The following GSG1L variants were observed in gnomAD, a reference collection of about 807,000 sequenced individuals.
GSG1L encodes the protein GSG1 like, also known as germ cell-specific gene 1-like protein.
In GSG1L, 24 loss-of-function variants were observed where a neutral mutation model predicts 42.1. The ratio of observed to expected loss-of-function variants is 0.57; its 90% CI spans 0.41 to 0.80. The LOEUF is 0.80. Among genes scored for constraint, GSG1L ranks in the 30% least tolerant of loss-of-function variants. The pLI is 0.00. For synonymous variants in GSG1L, 215 were observed against 203.5 expected (o/e 1.06, Z -0.48); for missense variants, 445 against 472.2 (o/e 0.94, Z 0.53).
chr16:27,803,793 A>ATATATATATATATATATATAAT (rs1567460435), intron 6 of GSG1L, among the ~76,000 whole-genome samples: 25 of 56,044 alleles, frequency 4.5e-4, no homozygotes, highest in African/African-American at 1.9e-3. Flanking sequence ...ATATATATAT[A>ATATATATATATATATATATAAT]TAGATAGATA....
At chr16:27,930,431 C>G (rs544970242) in intron 2 of GSG1L, among the ~76,000 whole-genome samples, 1 of 152,350 alleles carries the variant, frequency 6.6e-6, no homozygotes, top group East Asian at 1.9e-4. Context: ...ACACGCTCCA[C>G]AGGTCACACA....
chr16:28,038,039 A>G (rs778599242), intron 1 of GSG1L, among the ~76,000 whole-genome samples: 3 of 152,198 alleles, frequency 2.0e-5, no homozygotes, highest in Non-Finnish European at 4.4e-5. Context: ...CGTAGGTACA[A>G]TTATTATCCC....
At chr16:27,983,927 G>A (rs9940029) in intron 1 of GSG1L, among the ~76,000 whole-genome samples, 2,899 of 152,214 alleles carry the variant, frequency 0.019, 83 homozygotes, top group African/African-American at 0.066. Flanking sequence ...GACTCCCGCA[G>A]CAAGGTCTTT....
chr16:28,021,253 CAG>C (rs2085839582), intron 1 of GSG1L, among the ~76,000 whole-genome samples: 1 of 152,106 alleles, frequency 6.6e-6, no homozygotes, highest in Non-Finnish European at 1.5e-5. Flanking sequence ...TGCAAGTACA[CAG>C]ACTTATCAGG....
At chr16:27,829,556 T>C (rs2083253473) in intron 4 of GSG1L, among the ~76,000 whole-genome samples, 1 of 152,222 alleles carries the variant, frequency 6.6e-6, no homozygotes, top group Admixed American at 6.5e-5. Flanking sequence ...CTCATGACTA[T>C]TTGTTTTAAA....
intron 2 of GSG1L, among the ~76,000 whole-genome samples, chr16:27,930,456 G>A (rs564662585): frequency 3.3e-5 from 5 of 152,336 alleles, no homozygotes; most frequent in Non-Finnish European, 7.3e-5. Flanking sequence ...TTTGTGGTCT[G>A]ATTCCTCCCA....
chr16:27,865,821 C>G (rs552412551), intron 3 of GSG1L, among the ~76,000 whole-genome samples: 1 of 151,834 alleles, frequency 6.6e-6, no homozygotes, highest in Admixed American at 6.6e-5. Flanking sequence ...CCTCAGCCTC[C>G]TGAGCAGCTA....
chr16:28,012,863 C>T (rs1193710143), intron 1 of GSG1L, among the ~76,000 whole-genome samples: 2 of 149,222 alleles, frequency 1.3e-5, no homozygotes, highest in Non-Finnish European at 3.0e-5. Flanking sequence ...TGCCACTGTA[C>T]TCCAGCCTGG....
At chr16:27,987,559 G>A (rs965345677) in intron 1 of GSG1L, among the ~76,000 whole-genome samples, 1 of 152,152 alleles carries the variant, frequency 6.6e-6, no homozygotes, top group Non-Finnish European at 1.5e-5. Context: ...TAGTTGGTGT[G>A]TTAACTCGGG....
chr16:28,004,510 T>C (rs1461067630), intron 1 of GSG1L, among the ~76,000 whole-genome samples: 1 of 149,062 alleles, frequency 6.7e-6, no homozygotes, highest in African/African-American at 2.5e-5. Context: ...CAGGGTAGCT[T>C]ACACTTATAA....
At chr16:27,930,415 C>T (rs1327237921) in intron 2 of GSG1L, among the ~76,000 whole-genome samples, 1 of 152,206 alleles carries the variant, frequency 6.6e-6, no homozygotes, top group African/African-American at 2.4e-5. Context: ...CACTTAACAC[C>T]ATCTAACACG....
rs1017660274 is a variant in GSG1L at position 27,910,509 on chromosome 16, A to G, written c.398-25871T>C. Among the ~76,000 whole-genome samples the G allele has an allele frequency of 2.5e-4, 38 of 152,228 alleles. 2 individuals carry two copies. On this transcript the variant is annotated intron_variant, in intron 2 of 6. Transcript: ENST00000447459. ...AAGGTCCATTGACTTGCTTAAGGTCACACAACTAGAAAATGGCAAGACCAA... is the reference window on the plus strand; with the variant it reads ...AAGGTCCATTGACTTGCTTAAGGTCGCACAACTAGAAAATGGCAAGACCAA...
At chr16:27,944,397 A>C (rs1166818574) in intron 2 of GSG1L, among the ~76,000 whole-genome samples, 1 of 151,880 alleles carries the variant, frequency 6.6e-6, no homozygotes, top group African/African-American at 2.4e-5. Flanking sequence ...CGAGGCGGGA[A>C]GATCACCTGA....
intron 4 of GSG1L, among the ~76,000 whole-genome samples, chr16:27,836,641 G>A (rs566908541): frequency 6.6e-6 from 1 of 152,160 alleles, no homozygotes; most frequent in South Asian, 2.1e-4. Flanking sequence ...CTGCTGTTGA[G>A]CCCAACCATT....
intron 5 of GSG1L, among the ~76,000 whole-genome samples, chr16:27,812,628 A>G (rs1472378288): frequency 6.6e-6 from 1 of 151,826 alleles, no homozygotes; most frequent in Non-Finnish European, 1.5e-5. Context: ...GGGAGTGGGG[A>G]GCAGGGCTGG....
chr16:27,994,622 C>A (rs1053590609), intron 1 of GSG1L, among the ~76,000 whole-genome samples: 2 of 152,056 alleles, frequency 1.3e-5, no homozygotes, highest in Non-Finnish European at 2.9e-5. Context: ...ACTGGCTTTC[C>A]GCTCCCAATT....
At chr16:27,796,674 C>T (rs1217461665) in intron 6 of GSG1L, among the ~76,000 whole-genome samples, 1 of 152,156 alleles carries the variant, frequency 6.6e-6, no homozygotes. Context: ...CTACCTCAGG[C>T]GGGCTGTTTT....
chr16:28,009,606 C>T (rs1225480944), intron 1 of GSG1L, among the ~76,000 whole-genome samples: 1 of 152,210 alleles, frequency 6.6e-6, no homozygotes, highest in Non-Finnish European at 1.5e-5. Flanking sequence ...TGTCATTACC[C>T]CCGTCTCTGG....
At chr16:28,026,477 C>A (rs146381439) in intron 1 of GSG1L, among the ~76,000 whole-genome samples, 56 of 152,288 alleles carry the variant, frequency 3.7e-4, no homozygotes, top group Non-Finnish European at 7.1e-4. Flanking sequence ...AGGGTGTGCA[C>A]GAGTCGGCTT....
Sources: allele counts gnomAD v4.1 joint callset (sites outside exome capture counted in the v4.1 genomes callset), GRCh38; gene constraint gnomAD v4.1.1; transcripts MANE v1.5; gene names NCBI Gene and HGNC (gene_info 2026-07-23, HGNC 2026-07-21).